Variants in AGBL4 observed in about 807,000 individuals in gnomAD.
AGBL4 encodes the protein cytosolic carboxypeptidase 6.
In AGBL4, 58 loss-of-function variants were observed where a neutral mutation model predicts 66.4. That is an observed-to-expected ratio of 0.87 (90% CI 0.71 to 1.09). The LOEUF is 1.09. Among genes scored for constraint, AGBL4 ranks in the 50% least tolerant of loss-of-function variants. The pLI, the probability that AGBL4 is intolerant of heterozygous loss-of-function variation, is 0.00. For missense variants in AGBL4, 579 were observed against 631.0 expected (o/e 0.92, Z 0.88); for synonymous variants, 234 against 222.9 (o/e 1.05, Z -0.44).
chr1:49,990,197 A>G (rs750787627), intron 1 of AGBL4, among the ~76,000 whole-genome samples: 1 of 152,242 alleles, frequency 6.6e-6, no homozygotes, highest in African/African-American at 2.4e-5. Flanking sequence ...TTGTAATACC[A>G]ATGTAAAGAT....
intron 6 of AGBL4, among the ~76,000 whole-genome samples, chr1:48,798,213 G>A (rs1011214046): frequency 2.0e-5 from 3 of 151,980 alleles, no homozygotes; most frequent in East Asian, 1.9e-4. Flanking sequence ...TTTGATTTGC[G>A]TTTCCCTGAT....
chr1:49,431,507 T>A (rs1031607835), intron 3 of AGBL4, among the ~76,000 whole-genome samples: 5 of 152,200 alleles, frequency 3.3e-5, no homozygotes, highest in African/African-American at 4.8e-5. Context: ...CCTGTTTTTT[T>A]AAAAGCATAT....
intron 1 of AGBL4, chr1:50,017,438 T>C (rs1662072224): frequency 1.3e-5 from 2 of 152,132 alleles, no homozygotes. Context: ...ATCCTATCCA[T>C]TATAGTGGGC....
chr1:48,561,972 C>T (rs938196371), intron 11 of AGBL4, among the ~76,000 whole-genome samples: 2 of 152,124 alleles, frequency 1.3e-5, no homozygotes, highest in Admixed American at 6.6e-5. Context: ...TATATGAAAG[C>T]AGGACCAATA....
chr1:49,042,959 C>T (rs1371898204), intron 5 of AGBL4, among the ~76,000 whole-genome samples: 1 of 152,002 alleles, frequency 6.6e-6, no homozygotes, highest in Non-Finnish European at 1.5e-5. Flanking sequence ...TACATTCTGC[C>T]TAGTCATAAA....
chr1:49,234,016 G>C (rs1650526429), intron 4 of AGBL4, among the ~76,000 whole-genome samples: 1 of 152,212 alleles, frequency 6.6e-6, no homozygotes, highest in Non-Finnish European at 1.5e-5. Context: ...CTAGAATAGA[G>C]ATGATGCCCA....
intron 3 of AGBL4, among the ~76,000 whole-genome samples, chr1:49,567,539 A>T (rs756639973): frequency 6.6e-6 from 1 of 152,128 alleles, no homozygotes; most frequent in South Asian, 2.1e-4. Flanking sequence ...AGTAATTTTT[A>T]AAAATATTAT....
chr1:49,801,812 C>T (rs1424639345), intron 2 of AGBL4, among the ~76,000 whole-genome samples: 1 of 152,070 alleles, frequency 6.6e-6, no homozygotes, highest in African/African-American at 2.4e-5. Flanking sequence ...GAAAGTCATC[C>T]CAGAGTAATC....
At chr1:49,526,150 T>C (rs1047755410) in intron 3 of AGBL4, among the ~76,000 whole-genome samples, 1 of 152,082 alleles carries the variant, frequency 6.6e-6, no homozygotes, top group Non-Finnish European at 1.5e-5. Context: ...GATTAGCAAT[T>C]GCTCAATAAA....
intron 3 of AGBL4, among the ~76,000 whole-genome samples, chr1:49,451,074 A>G (rs1161040977): frequency 6.6e-6 from 1 of 152,086 alleles, no homozygotes; most frequent in South Asian, 2.1e-4. Context: ...TCTTGTTATT[A>G]GCAGAATTTA....
At chr1:48,571,321 G>T (rs1644559651) in intron 11 of AGBL4, among the ~76,000 whole-genome samples, 1 of 152,246 alleles carries the variant, frequency 6.6e-6, no homozygotes, top group Non-Finnish European at 1.5e-5. Flanking sequence ...CCTGGCCTTT[G>T]CCTGACCCTG....
chr1:49,639,529 T>C (rs2051086), intron 3 of AGBL4, among the ~76,000 whole-genome samples: 103,171 of 152,062 alleles, frequency 0.68, 35,743 homozygotes, highest in African/African-American at 0.77. Flanking sequence ...GGCCATATAG[T>C]TAATAAGTGG....
At chr1:49,743,173 C>A (rs920989009) in intron 2 of AGBL4, among the ~76,000 whole-genome samples, 1 of 152,086 alleles carries the variant, frequency 6.6e-6, no homozygotes, top group Admixed American at 6.6e-5. Flanking sequence ...GGCTAACATC[C>A]GGAATCTACA....
intron 11 of AGBL4, among the ~76,000 whole-genome samples, chr1:48,550,202 C>T (rs1644228596): frequency 6.6e-6 from 1 of 152,116 alleles, no homozygotes; most frequent in South Asian, 2.1e-4. Flanking sequence ...CAAATCACCA[C>T]ACACTTAGTG....
chr1:48,730,605 G>A (rs1647951796), intron 6 of AGBL4, among the ~76,000 whole-genome samples: 1 of 152,134 alleles, frequency 6.6e-6, no homozygotes, highest in Non-Finnish European at 1.5e-5. Context: ...GAAGGTTTTT[G>A]GAGGAGCCCC....
intron 3 of AGBL4, among the ~76,000 whole-genome samples, chr1:49,609,340 T>A (rs575844495): frequency 6.6e-6 from 1 of 151,784 alleles, no homozygotes; most frequent in African/African-American, 2.4e-5. Context: ...CACCAACAAA[T>A]AATTAAGAGA....
At chr1:49,937,708 G>A (rs542175553) in intron 1 of AGBL4, among the ~76,000 whole-genome samples, 6 of 152,048 alleles carry the variant, frequency 3.9e-5, no homozygotes, top group South Asian at 2.1e-4. Flanking sequence ...GCTCAACTAC[G>A]TAGAAACTGA....
chr1:49,946,875 T>C (rs1221612869), intron 1 of AGBL4, among the ~76,000 whole-genome samples: 1 of 151,630 alleles, frequency 6.6e-6, no homozygotes, highest in Non-Finnish European at 1.5e-5. Context: ...ACAAGAGATA[T>C]TACAACTGAC....
chr1:49,344,510 A>T (rs1645601389), intron 3 of AGBL4, among the ~76,000 whole-genome samples: 1 of 152,180 alleles, frequency 6.6e-6, no homozygotes, highest in African/African-American at 2.4e-5. Context: ...TTTGTGAAAG[A>T]TTAATCTTGT....
Sources: gnomAD v4.1 joint callset for allele counts (sites outside exome capture counted in the v4.1 genomes callset) on GRCh38, gnomAD v4.1.1 for gene constraint, MANE v1.5 for transcripts, NCBI Gene and HGNC (gene_info 2026-07-23, HGNC 2026-07-21) for gene names.